LRBA: variants seen among roughly 807,000 people sequenced by gnomAD.
LRBA encodes the protein lipopolysaccharide-responsive and beige-like anchor protein.
A neutral mutation model predicts 330.0 loss-of-function variants in LRBA; 176 were observed. That is an observed-to-expected ratio of 0.53 (90% confidence interval 0.47 to 0.60). LRBA has a LOEUF of 0.60. Among genes scored for constraint, LRBA ranks in the 20% least tolerant of loss-of-function variants. The pLI, the probability that LRBA is intolerant of heterozygous loss-of-function variation, is 0.00. For synonymous variants in LRBA, 1,230 were observed against 1,193.0 expected, an observed-to-expected ratio of 1.03 and a Z score of -0.64; for missense variants, 3,259 against 3,444.8, an observed-to-expected ratio of 0.95 and a Z score of 1.35.
chr4:150,688,449 C>A (rs1783819050), intron 36 of LRBA, among the ~76,000 whole-genome samples: 1 of 152,140 alleles, frequency 6.6e-6, no homozygotes, highest in African/African-American at 2.4e-5. Flanking sequence ...TCAAAATTGA[C>A]AAATGGGATC....
rs373474421 is a variant in LRBA at position 150,697,325 on chromosome 4, G to GAAAGAAAAAAAA, written c.5755-13609_5755-13608insTTTTTTTTCTTT. On this transcript the variant is annotated intron_variant, in intron 36 of 56. Coordinates refer to ENST00000651943, the MANE Select transcript of LRBA (RefSeq NM_001364905.1). ...GGTGACAGAGTGAGACTTTGTCTCA[G>GAAAGAAAAAAAA]AAAAAAAAAAAAAAAAAAAAAAAAA... 4.6e-4 allele frequency among the ~76,000 whole-genome samples: 13 copies of GAAAGAAAAAAAA among 28,054 alleles called. 2 individuals carry two copies. The highest frequency in any genetic ancestry group is 1.4e-3 in the African/African-American group (11 of 7,602). 18.4% of individuals were successfully genotyped at this position (28,054 alleles called of 152,430 possible). A position where few individuals can be genotyped will look rare whatever the true frequency, so the allele number is the denominator to read the frequency against.
intron 38 of LRBA, among the ~76,000 whole-genome samples, 187 bp from the exon 39 acceptor site, chr4:150,591,046 G>A (rs1167219700): frequency 6.6e-6 from 1 of 152,098 alleles, no homozygotes; most frequent in Non-Finnish European, 1.5e-5. Context: ...CCCCAACCTA[G>A]TCTAATGTTA....
In LRBA at chr4:150,941,483, C is replaced by G. The variant is rs377013350; in HGVS notation, c.217-12418G>C. ...ATATTTTTTATTGTGAAATGTTTCA[C>G]TGCACCCAGCTGCCAAGCTATTCTT... is the stretch of plus-strand genomic sequence containing the variant. On this transcript the variant is annotated intron_variant, in intron 2 of 56. Transcript: ENST00000651943. Among the ~76,000 whole-genome samples, 12 of 152,290 alleles carry G rather than the reference C, an allele frequency of 7.9e-5. No individual in the cohort carries two copies. In the East Asian group the frequency reaches 2.1e-3, roughly 27 times the overall value.
intron 37 of LRBA, among the ~76,000 whole-genome samples, chr4:150,645,984 A>G (rs1779101675): frequency 6.6e-6 from 1 of 151,404 alleles, no homozygotes; most frequent in Admixed American, 6.6e-5. Flanking sequence ...CAATAAAAAT[A>G]TATTAAAATT....
intron 22 of LRBA, among the ~76,000 whole-genome samples, chr4:150,857,362 C>A (rs1480847128): frequency 6.6e-6 from 1 of 152,094 alleles, no homozygotes; most frequent in African/African-American, 2.4e-5. Flanking sequence ...GTTGGTAGTA[C>A]AATCCCCATT....
chr4:150,584,988 T>C (rs1468493181), intron 40 of LRBA, among the ~76,000 whole-genome samples: 1 of 152,174 alleles, frequency 6.6e-6, no homozygotes, highest in Non-Finnish European at 1.5e-5. Flanking sequence ...AATATTTTGA[T>C]CCTAATTTTT....
In LRBA at chr4:150,790,775, G is replaced by A. The variant is rs978445001; in HGVS notation, c.5580+7306C>T. ...TTTTAAGGTCAACTGTTTTTACTGC[G>A]CACAAAATGAATTCTGAGCATTTCA... On this transcript the variant is annotated intron_variant, in intron 34 of 56. Transcript: ENST00000651943. 8.6e-5 allele frequency among the ~76,000 whole-genome samples: 13 copies of A among 151,934 alleles called. No homozygotes were observed. The East Asian group carries it at 1.2e-3, about 14-fold the overall frequency.
chr4:150,277,856 T>C lies in LRBA; in HGVS notation c.8465A>G (p.Gln2822Arg). The C allele has an allele frequency of 6.2e-7, 1 of 1,613,996 alleles. No homozygotes were observed. The highest frequency in any genetic ancestry group is 8.5e-7 in the Non-Finnish European group (1 of 1,179,940). ...GIRAMALSYDQRCIISGMASG... is the reference protein window; with the variant it reads ...GIRAMALSYDRRCIISGMASG... ...TAGCCCATGATTCCAGTGTTACCTC[T>C]GGTCGTAAGACAGCGCCATGGCCCG... is the stretch of plus-strand genomic sequence containing the variant. Residue 2822 changes from glutamine (Q) to arginine (R), a missense_variant, in exon 56 of 57, where the codon CAG (glutamine) becomes CGG (arginine). Gln to Arg is a conservative substitution (Grantham distance 43, BLOSUM62 1). Transcript: ENST00000651943.
At chr4:150,621,522 G>A (rs1337744288) in intron 37 of LRBA, among the ~76,000 whole-genome samples, 2 of 152,136 alleles carry the variant, frequency 1.3e-5, no homozygotes, top group Non-Finnish European at 2.9e-5. Flanking sequence ...TTAAATACCT[G>A]TTGGATCTTT....
At chr4:150,458,518 G>A (rs1373239468) in intron 44 of LRBA, among the ~76,000 whole-genome samples, 1 of 151,744 alleles carries the variant, frequency 6.6e-6, no homozygotes, top group Admixed American at 6.6e-5. Flanking sequence ...TAAGTAATCT[G>A]CTAAAGGTCT....
At chr4:150,665,943 C>T (rs1460718690) in intron 37 of LRBA, among the ~76,000 whole-genome samples, 2 of 152,080 alleles carry the variant, frequency 1.3e-5, no homozygotes, top group African/African-American at 2.4e-5. Flanking sequence ...CCTCAAATTA[C>T]TATGCTGAGT....
intron 2 of LRBA, among the ~76,000 whole-genome samples, chr4:150,982,235 T>C (rs568321228): frequency 2.0e-5 from 3 of 152,300 alleles, no homozygotes; most frequent in East Asian, 1.9e-4. Flanking sequence ...CAGTTATTAA[T>C]TGTTCCTTAA....
chr4:150,285,993 A>G lies in LRBA; in HGVS notation c.8059T>C (p.Tyr2687His). The change falls in exon 54 of 57, where the codon TAT becomes CAT. Residue 2687 changes from tyrosine (Y) to histidine (H), a missense_variant. Physicochemically the swap from Tyr to His is moderately conservative, Grantham distance 83 (BLOSUM62 2). Transcript: ENST00000651943. ...CACACCGCAGCACATGTGACCTCATAGTCATGGCCGGTCAAAATGGCCCGA... is the reference window on the plus strand; with the variant it reads ...CACACCGCAGCACATGTGACCTCATGGTCATGGCCGGTCAAAATGGCCCGA... ...APRAILTGHD[Y>H]EVTCAAVCAE... The G allele has an allele frequency of 6.3e-7, 1 of 1,595,174 alleles. No individual in the cohort carries two copies. Among genetic ancestry groups the G allele is most frequent in the Non-Finnish European group, 8.5e-7 (1 of 1,170,858 alleles).
chr4:150,430,322 A>G (rs1264396707), intron 46 of LRBA, among the ~76,000 whole-genome samples: 1 of 152,134 alleles, frequency 6.6e-6, no homozygotes, highest in Non-Finnish European at 1.5e-5. Flanking sequence ...TAAAAGCACA[A>G]AATCTATTCA....
intron 40 of LRBA, among the ~76,000 whole-genome samples, chr4:150,553,373 G>A (rs1407844743): frequency 6.6e-6 from 1 of 151,878 alleles, no homozygotes; most frequent in African/African-American, 2.4e-5. Flanking sequence ...TGTAAATGAC[G>A]AGTTACTGGG....
intron 48 of LRBA, among the ~76,000 whole-genome samples, chr4:150,334,140 G>C (rs1734335299): frequency 1.3e-5 from 2 of 152,072 alleles, no homozygotes; most frequent in African/African-American, 4.8e-5. Context: ...TATTTAAAAA[G>C]AGTCTTCTAA....
At chr4:150,589,011 T>C (rs556241844) in intron 39 of LRBA, among the ~76,000 whole-genome samples, 106 of 151,106 alleles carry the variant, frequency 7.0e-4, no homozygotes, top group Middle Eastern at 3.4e-3. Flanking sequence ...AAATGTTACA[T>C]ATATATGTCT....
At chr4:150,906,120 T>C in intron 12 of LRBA, 130 bp from the exon 13 acceptor site, 2 of 855,466 alleles carry the variant, frequency 2.3e-6, no homozygotes, top group South Asian at 1.7e-5. Context: ...AAGCTCACTA[T>C]CACATTTGTT....
At chr4:150,642,267 T>C (rs931462425) in intron 37 of LRBA, among the ~76,000 whole-genome samples, 5 of 151,922 alleles carry the variant, frequency 3.3e-5, no homozygotes, top group Admixed American at 1.3e-4. Flanking sequence ...TATTTCTACA[T>C]AGTATTTTCT....
Sources: gnomAD v4.1 joint callset for allele counts (sites outside exome capture counted in the v4.1 genomes callset) on GRCh38, gnomAD v4.1.1 for gene constraint, MANE v1.5 for transcripts, NCBI Gene and HGNC (gene_info 2026-07-23, HGNC 2026-07-21) for gene names.